The following SPEG variants were observed in gnomAD, a reference collection of about 807,000 sequenced individuals.
SPEG encodes striated muscle enriched protein kinase.
Under a neutral mutation model 300.4 loss-of-function variants are expected in SPEG, and 114 were observed. The ratio of observed to expected loss-of-function variants is 0.38; its 90% CI spans 0.33 to 0.44. The LOEUF (loss-of-function observed/expected upper bound fraction) is 0.44. Among genes scored for constraint, SPEG ranks in the 20% least tolerant of loss-of-function variants. The pLI, the probability that SPEG is intolerant of heterozygous loss-of-function variation, is 1.00. For missense variants in SPEG, 4,201 were observed against 4,586.2 expected, an observed-to-expected ratio of 0.92 and a Z score of 2.43; for synonymous variants, 1,964 against 2,018.9, an observed-to-expected ratio of 0.97 and a Z score of 0.73.
intron 1 of SPEG, 55 bp downstream of exon 1, chr2:219,435,420 A>G: frequency 6.7e-7 from 1 of 1,487,278 alleles, no homozygotes; most frequent in Non-Finnish European, 8.9e-7. Flanking sequence ...AGAGGTAGAA[A>G]AGGGCTGCCC....
rs762380371 is a variant in SPEG, at chr2:219,481,279, A to G, written c.5370-25A>G. On this transcript the variant is annotated intron_variant, in intron 26 of 40. Transcript: ENST00000312358. This position sits in a 1 kb window ranked among gnomAD's most constrained non-coding sequence, Gnocchi z 5.4. ...TCCCCTTTGTCCCCGCCTGCCCCTC[A>G]TGACAGCCCTCTTCACCCCTGCAGT... is the stretch of plus-strand genomic sequence containing the variant. 59 of 1,609,700 alleles carry G rather than the reference A, an allele frequency of 3.7e-5. No homozygotes were observed. In the Admixed American group the frequency reaches 9.9e-4, roughly 27 times the overall value.
At chr2:219,474,531 G>A (rs1002292320) in intron 18 of SPEG, among the ~76,000 whole-genome samples, 9 of 152,196 alleles carry the variant, frequency 5.9e-5, no homozygotes, top group Non-Finnish European at 8.8e-5. Context: ...GACTGAGGCC[G>A]AGGCTAAGAG....
At chr2:219,461,786 C>T in intron 6 of SPEG, 96 bp from the exon 7 acceptor site, 1 of 1,308,558 alleles carries the variant, frequency 7.6e-7, no homozygotes, top group African/African-American at 1.5e-5. Flanking sequence ...CTGCGGGGAG[C>T]TGCCGCAACT....
At chr2:219,469,517 C>A (rs1446335114) in intron 13 of SPEG, 138 bp downstream of exon 13, 3 of 708,436 alleles carry the variant, frequency 4.2e-6, no homozygotes, top group African/African-American at 1.8e-5. Flanking sequence ...GGAAGGGAAC[C>A]CGGAGGGACT....
chr2:219,491,838 A>G lies in SPEG; in HGVS notation c.9430A>G (p.Ile3144Val), dbSNP rs375096973. The change falls in exon 39 of 41, where the codon ATC (isoleucine) becomes GTC (valine). Residue 3144 changes from isoleucine (I) to valine (V), a missense_variant. By Grantham distance (29) the Ile-to-Val change is conservative. Coordinates refer to ENST00000312358, the MANE Select transcript of SPEG (RefSeq NM_005876.5). ...KGEPIGSATD[I>V]WGAGVLTYIM... ...AGAACCCATCGGCTCTGCCACGGACATCTGGGGAGCGGGTGTGCTCACTTA... is the reference window on the plus strand; with the variant it reads ...AGAACCCATCGGCTCTGCCACGGACGTCTGGGGAGCGGGTGTGCTCACTTA... The G allele has an allele frequency of 6.2e-7, 1 of 1,612,316 alleles. No homozygotes were observed. The highest frequency in any genetic ancestry group is 1.3e-5 in the African/African-American group (1 of 74,874).
Position 219,489,820 on chromosome 2 carries a change from G to A in SPEG, c.8802G>A (p.Pro2934=), listed in dbSNP as rs55969678. 0.071 allele frequency: 114,891 copies of A among 1,613,326 alleles called. 4,444 individuals are homozygous for A. Among genetic ancestry groups the A allele is most frequent in the Admixed American group, 0.092 (5,541 of 59,996 alleles). The change falls in exon 36 of 41, where the codon CCG becomes CCA. Residue 2934 remains proline, a synonymous_variant. Transcript: ENST00000312358. ...AGGTGACTGTGCAGAGCCTCAGCCCGGCCAAGGAGGTGGTCAGCTCCCCTG... is the reference window on the plus strand; with the variant it reads ...AGGTGACTGTGCAGAGCCTCAGCCCAGCCAAGGAGGTGGTCAGCTCCCCTG... ...PTKVTVQSLS[P]AKEVVSSPGS...
In SPEG at chr2:219,492,075, G is replaced by T. The variant is rs897106346; in HGVS notation, c.9462-36G>T. On this transcript the variant is annotated intron_variant, in intron 39 of 40. Coordinates refer to ENST00000312358, the MANE Select transcript of SPEG (RefSeq NM_005876.5). ...TTCTGGGTCTGGGTGTTGGCCTCCG[G>T]TCTGCATACGTCAATCAAGCTATCT... The T allele has an allele frequency of 3.8e-6, 6 of 1,591,758 alleles. No individual in the cohort carries two copies. The African/African-American group carries it at 8.1e-5, about 21-fold the overall frequency.
chr2:219,489,003 G>A (rs1441995595), intron 34 of SPEG, 51 bp from the exon 35 acceptor site: 4 of 1,608,346 alleles, frequency 2.5e-6, no homozygotes, highest in African/African-American at 2.7e-5. Flanking sequence ...CACCGTGGGA[G>A]CTGGGGCCAC....
Position 219,481,098 on chromosome 2 carries a change from AG to A in SPEG, c.5370-204del. On this transcript the variant is annotated intron_variant, in intron 26 of 40. Coordinates refer to ENST00000312358, the MANE Select transcript of SPEG (RefSeq NM_005876.5). The surrounding 1 kb of genome is among the most constrained non-coding windows in gnomAD (Gnocchi z 5.4). ...CTAAAGCACAGGCCACTAGGCCCCAAGGCAGCACCACCTCCCTGCCCATCAG... is the reference window on the plus strand; with the variant it reads ...CTAAAGCACAGGCCACTAGGCCCCAAGCAGCACCACCTCCCTGCCCATCAG... 6.6e-6 allele frequency among the ~76,000 whole-genome samples: 1 copy of A among 152,196 alleles called. No homozygotes were observed. Among genetic ancestry groups the A allele is most frequent in the East Asian group, 1.9e-4 (1 of 5,184 alleles).
At chr2:219,468,795 G>T in intron 11 of SPEG, 59 bp downstream of exon 11, 3 of 1,608,988 alleles carry the variant, frequency 1.9e-6, no homozygotes, top group East Asian at 2.2e-5. Context: ...CGGCGATGGG[G>T]TGCACCCAGA....
At position 219,436,857 on chromosome 2, in the gene SPEG, T is replaced by TC. The variant is rs1425114093; in HGVS notation, c.388+1498dup. ...GACTCCTTGGGGATCTCAGCTCTGG[T>TC]CCCCCCAGGGGCAAAGAGGGCTGAA... On this transcript the variant is annotated intron_variant, in intron 1 of 40. Transcript: ENST00000312358. Among the ~76,000 whole-genome samples the TC allele has an allele frequency of 3.3e-5, 5 of 151,540 alleles. No homozygotes were observed. In the East Asian group the frequency reaches 7.8e-4, roughly 24 times the overall value.
chr2:219,460,437 G>A (rs115346809), intron 6 of SPEG: 10,078 of 985,426 alleles, frequency 0.01, 68 homozygotes, highest in South Asian at 0.024. Context: ...CACCTTCTTT[G>A]GTGGACGTGT....
Position 219,479,061 on chromosome 2 carries a change from G to A in SPEG, c.5028-83G>A, listed in dbSNP as rs1172927108. 4.0e-5 allele frequency: 50 copies of A among 1,244,464 alleles called. No homozygotes were observed. Among genetic ancestry groups the A allele is most frequent in the Admixed American group, 2.9e-4 (17 of 58,316 alleles). The allele number at this position is 1,244,464 out of a possible 1,614,324, so 77.1% of individuals were successfully genotyped here. A position where few individuals can be genotyped will look rare whatever the true frequency, so the allele number is the denominator to read the frequency against. Reference sequence around the variant, plus strand: ...ATTCTGTAAGGGGAAGGAGAACCCCGTGCTGAGCTGGGACCTGCCCTGAGC... The same window carrying A: ...ATTCTGTAAGGGGAAGGAGAACCCCATGCTGAGCTGGGACCTGCCCTGAGC... On this transcript the variant is annotated intron_variant, in intron 22 of 40. Coordinates refer to ENST00000312358, the MANE Select transcript of SPEG (RefSeq NM_005876.5). The surrounding 1 kb of genome is among the most constrained non-coding windows in gnomAD (Gnocchi z 5.5).
At chr2:219,478,527 T>C (rs185192452) in intron 22 of SPEG, among the ~76,000 whole-genome samples, 25 of 152,316 alleles carry the variant, frequency 1.6e-4, no homozygotes, top group African/African-American at 5.5e-4. Flanking sequence ...AGTGACCCCA[T>C]TTCAGATCAA....
rs1379980631 is a variant in SPEG, at chr2:219,458,461, C to T, written c.2441-3421C>T. 2.0e-5 allele frequency among the ~76,000 whole-genome samples: 3 copies of T among 152,134 alleles called. No homozygotes were observed. Among genetic ancestry groups the T allele is most frequent in the African/African-American group, 7.2e-5 (3 of 41,428 alleles). On this transcript the variant is annotated intron_variant, in intron 6 of 40. Coordinates refer to ENST00000312358, the MANE Select transcript of SPEG (RefSeq NM_005876.5). The surrounding 1 kb of genome is among the most constrained non-coding windows in gnomAD (Gnocchi z 4.2). ...AAATGCAGATTATTGGCCCCAGCCC[C>T]GACCTACTGAATCGGAAATTCCGTG...
rs763477062 is a variant in SPEG at position 219,448,063 on chromosome 2, C to G, written c.905C>G (p.Pro302Arg). ...GCCCCACGCCGCCCTGCCCAGCCGCCTCCTTCCAAATCCGCGCTGCTCCCC... is the reference window on the plus strand; with the variant it reads ...GCCCCACGCCGCCCTGCCCAGCCGCGTCCTTCCAAATCCGCGCTGCTCCCC... ...SEAPRRPAQP[P>R]PSKSALLPPP... is the part of the protein sequence containing the mutation. Residue 302 changes from proline (P) to arginine (R), a missense_variant, in exon 4 of 41, where the codon CCT becomes CGT. This residue lies in a region of SPEG where 1,258 missense variants were observed against 1,293.9 expected (regional missense o/e 0.97). Transcript: ENST00000312358. 4.5e-5 allele frequency: 72 copies of G among 1,610,958 alleles called. No homozygotes were observed. Among genetic ancestry groups the G allele is most frequent in the Non-Finnish European group, 5.0e-5 (59 of 1,179,362 alleles).
chr2:219,448,277 C>T lies in SPEG; in HGVS notation c.1119C>T (p.Pro373=), dbSNP rs1689471137. ...PSLAGTAESR[P]QTPLSEASGR... ...TGGCGGGCACCGCGGAATCCCGACC[C>T]CAGACGCCACTGAGCGAGGCCTCAG... Residue 373 remains proline, a synonymous_variant, in exon 4 of 41, where the codon CCC becomes CCT. Coordinates refer to ENST00000312358, the MANE Select transcript of SPEG (RefSeq NM_005876.5). 6.2e-7 allele frequency: 1 copy of T among 1,611,628 alleles called. No individual in the cohort carries two copies. Among genetic ancestry groups the T allele is most frequent in the South Asian group, 1.1e-5 (1 of 91,030 alleles).
intron 9 of SPEG, chr2:219,466,017 A>G: frequency 6.3e-7 from 1 of 1,584,358 alleles, no homozygotes. Context: ...ATGCTGCACT[A>G]ACCTGCCGCT....
At chr2:219,476,718 T>TGG (rs1209124018) in intron 18 of SPEG, 152 bp from the exon 19 acceptor site, 1 of 430,030 alleles carries the variant, frequency 2.3e-6, no homozygotes, top group Non-Finnish European at 3.8e-6. Context: ...TCCCAGTTGG[T>TGG]GGGGGTGGGG....
Sources: gnomAD v4.1 joint callset for allele counts (sites outside exome capture counted in the v4.1 genomes callset) on GRCh38, gnomAD v4.1.1 for gene constraint, gnomAD v4.1.1 regional missense constraint, Gnocchi (gnomAD v3.1) non-coding constraint, MANE v1.5 for transcripts, NCBI Gene and HGNC (gene_info 2026-07-23, HGNC 2026-07-21) for gene names.